The following CERS2 variants were observed in gnomAD, a reference collection of about 807,000 sequenced individuals.
The protein encoded by CERS2 is ceramide synthase 2, also known as LAG1 homolog, ceramide synthase 2.
Under a neutral mutation model 56.6 loss-of-function variants are expected in CERS2, and 20 were observed. The ratio of observed to expected loss-of-function variants is 0.35; its 90% CI spans 0.25 to 0.51. The LOEUF is 0.51. Among genes scored for constraint, CERS2 ranks in the 20% least tolerant of loss-of-function variants. CERS2 has a pLI of 0.96. For synonymous variants in CERS2, 187 were observed against 175.4 expected (o/e 1.07, Z -0.52); for missense variants, 361 against 488.6 (o/e 0.74, Z 2.46).
At position 150,965,954 on chromosome 1, in the gene CERS2, G is replaced by A. The variant is rs1248181529; in HGVS notation, c.*194C>T. ...CCCCCTCTAACAGAATATAACCAAC[G>A]TCCCCCTACCTGGGGATAGGCTGGT... is the stretch of plus-strand genomic sequence containing the variant. On this transcript the variant is annotated 3_prime_UTR_variant, in exon 11 of 11. Coordinates refer to ENST00000368954, the MANE Select transcript of CERS2 (RefSeq NM_022075.5). 7.1e-6 allele frequency: 4 copies of A among 562,972 alleles called. No homozygotes were observed. Among genetic ancestry groups the A allele is most frequent in the African/African-American group, 3.9e-5 (2 of 50,804 alleles). The allele number at this position is 562,972 out of a possible 1,614,324, so 34.9% of individuals were successfully genotyped here.
intron 1 of CERS2, among the ~76,000 whole-genome samples, chr1:150,971,199 C>G (rs1391900194): frequency 3.9e-5 from 6 of 152,310 alleles, no homozygotes; most frequent in African/African-American, 1.2e-4. Context: ...GGGATTTAGG[C>G]TGGCCCAGAA....
chr1:150,972,364 AAG>A (rs1671202787), intron 1 of CERS2, among the ~76,000 whole-genome samples: 1 of 152,124 alleles, frequency 6.6e-6, no homozygotes, highest in Admixed American at 6.5e-5. Context: ...ACTCAACATG[AAG>A]AGAGGGGAGG....
intron 2 of CERS2, 54 bp downstream of exon 2, chr1:150,968,864 A>G: frequency 1.3e-6 from 2 of 1,550,684 alleles, no homozygotes; most frequent in Non-Finnish European, 8.8e-7. Flanking sequence ...CTTGAAGTCC[A>G]AGAAACTGCA....
At chr1:150,967,983 ACCT>A in intron 4 of CERS2, 97 bp downstream of exon 4, 1 of 1,373,164 alleles carries the variant, frequency 7.3e-7, no homozygotes, top group African/African-American at 1.4e-5. Context: ...AACTGAATTC[ACCT>A]CCTCACATCT....
At chr1:150,972,192 G>A (rs1451175807) in intron 1 of CERS2, among the ~76,000 whole-genome samples, 2 of 152,212 alleles carry the variant, frequency 1.3e-5, no homozygotes, top group Non-Finnish European at 2.9e-5. Context: ...AGGGAGAGTG[G>A]AAGACTTGGG....
Position 150,967,054 on chromosome 1 carries a change from T to C in CERS2, c.741+20A>G. ...ACAGAAGAACCTGCACCAGGGTCTC[T>C]AGATTTGAGGAAGCCTGACCTCCAG... On this transcript the variant is annotated intron_variant, in intron 8 of 10. Transcript: ENST00000368954. 1 of 1,613,810 alleles carries C rather than the reference T, an allele frequency of 6.2e-7. No homozygotes were observed. Among genetic ancestry groups the C allele is most frequent in the Non-Finnish European group, 8.5e-7 (1 of 1,179,810 alleles).
intron 1 of CERS2, among the ~76,000 whole-genome samples, chr1:150,972,297 C>T (rs1671201268): frequency 6.6e-6 from 1 of 152,318 alleles, no homozygotes; most frequent in South Asian, 2.1e-4. Context: ...AGCAGAGAGG[C>T]ACTACCCCCA....
chr1:150,974,232 AC>A (rs1293511455), intron 1 of CERS2: 1 of 152,048 alleles, frequency 6.6e-6, no homozygotes, highest in Non-Finnish European at 1.5e-5. Flanking sequence ...GCCAATGGTC[AC>A]CAAGCTCCTC....
chr1:150,969,186 G>T, intron 1 of CERS2, 95 bp from the exon 2 acceptor site: 1 of 1,091,054 alleles, frequency 9.2e-7, no homozygotes, highest in Non-Finnish European at 1.3e-6. Flanking sequence ...AAAAGGAGAA[G>T]GGGGCAGAGA....
rs1401105496 is a variant in CERS2 at position 150,974,663 on chromosome 1, C to T, written c.-46G>A. On this transcript the variant is annotated 5_prime_UTR_variant, in exon 1 of 11. Coordinates refer to ENST00000368954, the MANE Select transcript of CERS2 (RefSeq NM_022075.5). ...GGCCGGGGCCGCTGCTCCGTGTACT[C>T]CGTCTGCTCGGGTGGTTGCTCCGAG... The T allele has an allele frequency of 1.3e-5, 2 of 150,624 alleles. No individual in the cohort carries two copies. Among genetic ancestry groups the T allele is most frequent in the African/African-American group, 2.4e-5 (1 of 41,130 alleles). The allele number at this position is 150,624 out of a possible 1,614,324, so 9.3% of individuals were successfully genotyped here.
chr1:150,967,790 T>TA, intron 5 of CERS2, 30 bp downstream of exon 5: 1 of 1,610,346 alleles, frequency 6.2e-7, no homozygotes, highest in Non-Finnish European at 8.5e-7. Context: ...CCAGAGAACC[T>TA]ACTCCCACCT....
At chr1:150,969,791 C>T (rs995605421) in intron 1 of CERS2, among the ~76,000 whole-genome samples, 3 of 152,134 alleles carry the variant, frequency 2.0e-5, no homozygotes, top group Admixed American at 1.3e-4. Context: ...CCCCTACACT[C>T]TGGCCACTTC....
Position 150,967,662 on chromosome 1 carries a change from AC to A in CERS2, c.519+1del. The A allele has an allele frequency of 6.2e-7, 1 of 1,612,098 alleles. No homozygotes were observed. The highest frequency in any genetic ancestry group is 8.5e-7 in the Non-Finnish European group (1 of 1,178,120). The stretch of plus-strand genomic sequence containing the variant: ...CCCCACATGAGGAAGCAGAACTCAT[AC>A]CTGTATGGGATATCCCTCCCAAACT... On this transcript the variant is annotated splice_donor_variant, in intron 6 of 10. Transcript: ENST00000368954. LOFTEE classifies it high-confidence loss of function.
rs376671938 is a variant in CERS2 at position 150,970,785 on chromosome 1, T to C, written c.-1-1694A>G. On this transcript the variant is annotated intron_variant, in intron 1 of 10. Coordinates refer to ENST00000368954, the MANE Select transcript of CERS2 (RefSeq NM_022075.5). ...TGCCAGCCTTGGCCTCCCAAAGTGC[T>C]GGGATTACAGGCATGAGCCACGGTG... is the stretch of plus-strand genomic sequence containing the variant. 7.2e-5 allele frequency among the ~76,000 whole-genome samples: 11 copies of C among 152,318 alleles called. No homozygotes were observed. The East Asian group carries it at 1.7e-3, about 24-fold the overall frequency.
rs372038919 is a variant in CERS2 at position 150,968,970 on chromosome 1, T to C, written c.121A>G (p.Ile41Val). ...RVYAKASDLY[I>V]TLPLALLFLI... ...AAGAGCAAGGCCAGGGGCAGCGTGA[T>C]ATAGAGATCTGAGGCTTTGGCGTAG... The change falls in exon 2 of 11, where the codon ATC (isoleucine) becomes GTC (valine). Residue 41 changes from isoleucine to valine, a missense_variant. Ile to Val is a conservative substitution (Grantham distance 29). Coordinates refer to ENST00000368954, the MANE Select transcript of CERS2 (RefSeq NM_022075.5). 1.8e-5 allele frequency: 29 copies of C among 1,613,842 alleles called. No individual in the cohort carries two copies. Among genetic ancestry groups the C allele is most frequent in the Non-Finnish European group, 2.5e-5 (29 of 1,180,012 alleles).
intron 1 of CERS2, 120 bp downstream of exon 1, chr1:150,974,499 C>G (rs986200987): frequency 1.1e-4 from 17 of 149,642 alleles, no homozygotes; most frequent in African/African-American, 3.7e-4. Context: ...GCCCCGCGGC[C>G]TTCCCAGCCC....
chr1:150,966,701 A>C lies in CERS2; in HGVS notation c.848+55T>G. 3 of 1,603,226 alleles carry C rather than the reference A, an allele frequency of 1.9e-6. No individual in the cohort carries two copies. The Admixed American group carries it at 5.0e-5, about 27-fold the overall frequency. On this transcript the variant is annotated intron_variant, in intron 9 of 10. Coordinates refer to ENST00000368954, the MANE Select transcript of CERS2 (RefSeq NM_022075.5). ...ACCGGGGAGATACAGGAGGGGAAGA[A>C]AGGCAAGGCTCCTGATTTCTTCAGA...
In CERS2 at chr1:150,966,138, G is replaced by C. The variant is rs1341970747; in HGVS notation, c.*10C>G. 2.5e-6 allele frequency: 4 copies of C among 1,611,450 alleles called. No homozygotes were observed. Among genetic ancestry groups the C allele is most frequent in the Non-Finnish European group, 3.4e-6 (4 of 1,179,172 alleles). On this transcript the variant is annotated 3_prime_UTR_variant, in exon 11 of 11. Transcript: ENST00000368954. ...TATGCATTAATCTGGGAGGCAGCTG[G>C]AGTAATGGTTCAGTCATTCTTACGA...
At chr1:150,967,759 C>T in intron 5 of CERS2, 45 bp from the exon 6 acceptor site, 3 of 1,607,878 alleles carry the variant, frequency 1.9e-6, no homozygotes, top group Non-Finnish European at 8.5e-7. Context: ...AACCCAAATT[C>T]CATGGCCTCA....
Sources: gnomAD v4.1 joint callset for allele counts (sites outside exome capture counted in the v4.1 genomes callset) on GRCh38, gnomAD v4.1.1 for gene constraint, MANE v1.5 for transcripts, NCBI Gene and HGNC (gene_info 2026-07-23, HGNC 2026-07-21) for gene names.